Variants in CNNM1 observed in about 807,000 individuals in gnomAD.
CNNM1 encodes metal transporter CNNM1.
CNNM1 carries 44 observed loss-of-function variants against 78.8 expected under a neutral mutation model. That is an observed-to-expected ratio of 0.56 (90% CI 0.44 to 0.72). The LOEUF is 0.72. Among genes scored for constraint, CNNM1 ranks in the 30% least tolerant of loss-of-function variants. The pLI is 0.00. For synonymous variants in CNNM1, 584 were observed against 581.5 expected (o/e 1.00, Z -0.06); for missense variants, 1,101 against 1,292.2 (o/e 0.85, Z 2.27).
chr10:99,383,588 G>A (rs1419548152), intron 7 of CNNM1, among the ~76,000 whole-genome samples: 1 of 152,158 alleles, frequency 6.6e-6, no homozygotes, highest in Non-Finnish European at 1.5e-5. Flanking sequence ...GCACTAATTG[G>A]CTGGAGAATG....
chr10:99,358,715 T>G (rs1479601778), intron 2 of CNNM1, among the ~76,000 whole-genome samples: 1 of 152,120 alleles, frequency 6.6e-6, no homozygotes, highest in Non-Finnish European at 1.5e-5. Flanking sequence ...GGACCAGGCG[T>G]GTCTTCCTCA....
chr10:99,332,938 G>T (rs1340235745), intron 1 of CNNM1, among the ~76,000 whole-genome samples: 2 of 152,170 alleles, frequency 1.3e-5, no homozygotes, highest in Non-Finnish European at 2.9e-5. Context: ...ATATCTTACA[G>T]AAGTAGGGTC....
At chr10:99,368,638 A>G (rs1164139384) in intron 6 of CNNM1, 1 of 1,289,444 alleles carries the variant, frequency 7.8e-7, no homozygotes, top group African/African-American at 1.5e-5. Context: ...TGTGTCTCGT[A>G]CCTTCGCTGT....
At chr10:99,356,576 G>GAAAAGAAAAGA (rs374706573) in intron 1 of CNNM1, among the ~76,000 whole-genome samples, 2 of 90,600 alleles carry the variant, frequency 2.2e-5, no homozygotes, top group Admixed American at 1.0e-4. Context: ...AAGAAAGAAA[G>GAAAAGAAAAGA]AAAGAAAGAA....
At chr10:99,362,451 G>A (rs761249306) in intron 4 of CNNM1, 55 bp downstream of exon 4, 1 of 1,550,648 alleles carries the variant, frequency 6.4e-7, no homozygotes, top group Non-Finnish European at 8.7e-7. Context: ...TCTCCAGGGT[G>A]AAGAAATGGC....
chr10:99,384,917 A>C (rs1589923429), intron 7 of CNNM1, among the ~76,000 whole-genome samples: 1 of 152,046 alleles, frequency 6.6e-6, no homozygotes, highest in African/African-American at 2.4e-5. Context: ...AAATACAAAA[A>C]AATAAGCTGG....
chr10:99,331,033 G>T, intron 1 of CNNM1, 73 bp downstream of exon 1: 2 of 1,437,768 alleles, frequency 1.4e-6, no homozygotes, highest in African/African-American at 1.4e-5. Flanking sequence ...ACCACGTGAG[G>T]CTCTAGGTAC....
intron 2 of CNNM1, 34 bp downstream of exon 2, chr10:99,357,689 A>G: frequency 2.0e-6 from 3 of 1,537,476 alleles, no homozygotes; most frequent in South Asian, 1.3e-5. Flanking sequence ...CTCCAGGGTC[A>G]TCTTATTTTC....
Position 99,392,218 on chromosome 10 carries a change from G to A in CNNM1, c.*702G>A, listed in dbSNP as rs1199385492. ...ACCTCAAGTCACTGTTTTTACCAGG[G>A]ACACATCTGTTTTGGCTCCCAATCA... is the stretch of plus-strand genomic sequence containing the variant. On this transcript the variant is annotated 3_prime_UTR_variant, in exon 11 of 11. Coordinates refer to ENST00000356713, the MANE Select transcript of CNNM1 (RefSeq NM_020348.3). 1.3e-5 allele frequency: 2 copies of A among 152,244 alleles called. No individual in the cohort carries two copies. The highest frequency in any genetic ancestry group is 2.9e-5 in the Non-Finnish European group (2 of 68,092). 9.4% of individuals were successfully genotyped at this position (152,244 alleles called of 1,614,324 possible). A position where few individuals can be genotyped will look rare whatever the true frequency, so the allele number is the denominator to read the frequency against.
At chr10:99,370,755 T>A (rs2031773136) in intron 6 of CNNM1, among the ~76,000 whole-genome samples, 1 of 152,174 alleles carries the variant, frequency 6.6e-6, no homozygotes, top group East Asian at 1.9e-4. Context: ...TTGCAAAATG[T>A]GCTAAGTGGA....
At chr10:99,383,493 C>T (rs1228063097) in intron 7 of CNNM1, among the ~76,000 whole-genome samples, 1 of 152,126 alleles carries the variant, frequency 6.6e-6, no homozygotes, top group Non-Finnish European at 1.5e-5. Context: ...AGGCTGATCT[C>T]GAACTCCTGA....
rs2031461258 is a variant in CNNM1 at position 99,362,269 on chromosome 10, T to G, written c.1901T>G (p.Leu634Arg). Residue 634 changes from leucine (L) to arginine (R), a missense_variant, in exon 4 of 11, where the codon CTG (leucine) becomes CGG (arginine). By Grantham distance (102) the Leu-to-Arg change is moderately radical. This residue lies in a region of CNNM1 where 277 missense variants were observed against 423.2 expected (regional missense o/e 0.65). Coordinates refer to ENST00000356713, the MANE Select transcript of CNNM1 (RefSeq NM_020348.3). The stretch of plus-strand genomic sequence containing the variant: ...TCTCTGTACCTTTCGGAGAAGATCC[T>G]GCTCCGGCTCCTGAAACATCCCAAC... ...FKSLYLSEKI[L>R]LRLLKHPNVI... 2 of 1,613,904 alleles carry G rather than the reference T, an allele frequency of 1.2e-6. No homozygotes were observed. The highest frequency in any genetic ancestry group is 8.5e-7 in the Non-Finnish European group (1 of 1,179,840).
intron 6 of CNNM1, among the ~76,000 whole-genome samples, chr10:99,369,112 C>G (rs1435155324): frequency 2.6e-5 from 4 of 152,240 alleles, no homozygotes; most frequent in African/African-American, 9.6e-5. Context: ...CATATGCTCA[C>G]TAGCTCTGCT....
At chr10:99,361,013 A>G in intron 3 of CNNM1, 38 bp downstream of exon 3, 1 of 1,563,150 alleles carries the variant, frequency 6.4e-7, no homozygotes, top group Non-Finnish European at 8.7e-7. Context: ...CTAAAACAGA[A>G]TCTCTAGGGT....
Position 99,330,345 on chromosome 10 carries a change from G to A in CNNM1, c.958G>A (p.Gly320Arg), listed in dbSNP as rs1262714166. Reference sequence around the variant, plus strand: ...CACCGGGGAAGACTACAGCGAAGAGGGGATCCACTTCCCGTGGCTGCCGGC... The same window carrying A: ...CACCGGGGAAGACTACAGCGAAGAGAGGATCCACTTCCCGTGGCTGCCGGC... ...GGTGEDYSEE[G>R]IHFPWLPALV... Residue 320 changes from glycine to arginine, a missense_variant, in exon 1 of 11, where the codon GGG (glycine) becomes AGG (arginine). Gly to Arg is a moderately radical substitution (Grantham distance 125). This residue lies in a region of CNNM1 where 476 missense variants were observed against 484.5 expected (regional missense o/e 0.98). Transcript: ENST00000356713. 22 of 1,601,432 alleles carry A rather than the reference G, an allele frequency of 1.4e-5. No homozygotes were observed. Among genetic ancestry groups the A allele is most frequent in the Non-Finnish European group, 1.8e-5 (21 of 1,175,100 alleles).
chr10:99,356,609 G>GAAAGAAAGAA, intron 1 of CNNM1, among the ~76,000 whole-genome samples: 1 of 132,622 alleles, frequency 7.5e-6, no homozygotes, highest in Non-Finnish European at 1.6e-5. Flanking sequence ...AGAAAGAAAA[G>GAAAGAAAGAA]AAAGAAAGAA....
At chr10:99,344,900 G>A (rs1359450900) in intron 1 of CNNM1, among the ~76,000 whole-genome samples, 7 of 152,158 alleles carry the variant, frequency 4.6e-5, no homozygotes, top group South Asian at 2.1e-4. Context: ...AATCACTAGG[G>A]AGGTGCCGGG....
chr10:99,374,410 A>G (rs993581677), intron 6 of CNNM1, among the ~76,000 whole-genome samples: 12 of 152,092 alleles, frequency 7.9e-5, no homozygotes, highest in African/African-American at 2.7e-4. Context: ...CCTCTTCCTC[A>G]AGTTACTGGG....
intron 7 of CNNM1, among the ~76,000 whole-genome samples, chr10:99,383,431 G>C (rs1037047012): frequency 6.6e-6 from 1 of 152,000 alleles, no homozygotes; most frequent in African/African-American, 2.4e-5. Context: ...GCGCCACCAC[G>C]CCTGGCTAAT....
Sources: gnomAD v4.1 joint callset for allele counts (sites outside exome capture counted in the v4.1 genomes callset) on GRCh38, gnomAD v4.1.1 for gene constraint, gnomAD v4.1.1 regional missense constraint, MANE v1.5 for transcripts, NCBI Gene and HGNC (gene_info 2026-07-23, HGNC 2026-07-21) for gene names.